The following PIANP variants were observed in gnomAD, a reference collection of about 807,000 sequenced individuals.
PIANP encodes the protein PILR alpha-associated neural protein.
A neutral mutation model predicts 28.9 loss-of-function variants in PIANP; 14 were observed. That is an observed-to-expected ratio of 0.49 (90% CI 0.32 to 0.76). The LOEUF is 0.76. Ranked by LOEUF, PIANP falls within the 30% of genes least tolerant of loss-of-function variation. The pLI is 0.03. For missense variants in PIANP, 322 were observed against 371.8 expected, an observed-to-expected ratio of 0.87 and a Z score of 1.10; for synonymous variants, 149 against 156.6, an observed-to-expected ratio of 0.95 and a Z score of 0.36.
rs1460666153 is a variant in PIANP, at chr12:6,697,242, C to T, written c.523+45G>A. 2 of 1,600,192 alleles carry T rather than the reference C, an allele frequency of 1.2e-6. No individual in the cohort carries two copies. The highest frequency in any genetic ancestry group is 2.7e-5 in the African/African-American group (2 of 73,996). On this transcript the variant is annotated intron_variant, in intron 3 of 4. Transcript: ENST00000534837. The surrounding 1 kb of genome is among the most constrained non-coding windows in gnomAD (Gnocchi z 6.9). ...TATTTCTGCCCCTTGGTGTCTTCAC[C>T]CAGCCTCCCCATCCGTCATATCCCT...
chr12:6,693,282 T>C (rs1264968728), downstream of PIANP, among the ~76,000 whole-genome samples: 4 of 151,904 alleles, frequency 2.6e-5, no homozygotes, highest in Non-Finnish European at 4.4e-5. Flanking sequence ...ACAGGGCTTC[T>C]GATTCTGCAC....
chr12:6,696,353 C>A lies in PIANP; in HGVS notation c.605+90G>T. The A allele has an allele frequency of 9.8e-7, 1 of 1,025,336 alleles. No individual in the cohort carries two copies. Among genetic ancestry groups the A allele is most frequent in the Non-Finnish European group, 1.4e-6 (1 of 730,340 alleles). The allele number at this position is 1,025,336 out of a possible 1,614,324, so 63.5% of individuals were successfully genotyped here. On this transcript the variant is annotated intron_variant, in intron 4 of 4. Transcript: ENST00000534837. The surrounding 1 kb of genome is among the most constrained non-coding windows in gnomAD (Gnocchi z 4.0). ...CCAGCATTTCCCACCCACCCCCCAG[C>A]AAAATTGCTGCCACTGCCCCTCGTG...
chr12:6,692,508 C>A (rs1959724777), downstream of PIANP, among the ~76,000 whole-genome samples: 1 of 152,206 alleles, frequency 6.6e-6, no homozygotes, highest in Non-Finnish European at 1.5e-5. Context: ...GATCTGGATC[C>A]CTCCCTCACG....
At position 6,696,962 on chromosome 12, in the gene PIANP, T is replaced by C. The variant is rs893186267; in HGVS notation, c.523+325A>G. On this transcript the variant is annotated intron_variant, in intron 3 of 4. Transcript: ENST00000534837. The surrounding 1 kb of genome is among the most constrained non-coding windows in gnomAD (Gnocchi z 4.0). ...TGCCCAGAATACTCCCACTCTCTTTTCAAGGGCCAGCTCAAATGTCAGTTC... is the reference window on the plus strand; with the variant it reads ...TGCCCAGAATACTCCCACTCTCTTTCCAAGGGCCAGCTCAAATGTCAGTTC... Among the ~76,000 whole-genome samples the C allele has an allele frequency of 6.6e-6, 1 of 152,178 alleles. No homozygotes were observed. Among genetic ancestry groups the C allele is most frequent in the African/African-American group, 2.4e-5 (1 of 41,446 alleles).
chr12:6,695,666 GA>G lies in PIANP; in HGVS notation c.606-16del. On this transcript the variant is annotated splice_polypyrimidine_tract_variant and intron_variant, in intron 4 of 4. Coordinates refer to ENST00000534837, the MANE Select transcript of PIANP (RefSeq NM_001244014.2). This position sits in a 1 kb window ranked among gnomAD's most constrained non-coding sequence, Gnocchi z 4.2. The stretch of plus-strand genomic sequence containing the variant: ...TGCGGTCCCAGCTGGGGTACCAGAG[GA>G]AAAGAGGTTCTCTTGCACACTCAAG... 2 of 1,485,596 alleles carry G rather than the reference GA, an allele frequency of 1.3e-6. No individual in the cohort carries two copies. The highest frequency in any genetic ancestry group is 1.8e-6 in the Non-Finnish European group (2 of 1,113,854). The allele number at this position is 1,485,596 out of a possible 1,614,324, so 92.0% of individuals were successfully genotyped here.
rs1021148641 is a variant in PIANP at position 6,698,878 on chromosome 12, G to A, written c.-43-774C>T. ...GTGTGTTCTCAGAGCTGAGGGTGGT[G>A]GATCCAGGAGGGGCAGGCTCCCCAG... On this transcript the variant is annotated intron_variant, in intron 1 of 4. Transcript: ENST00000534837. 4.3e-4 allele frequency among the ~76,000 whole-genome samples: 65 copies of A among 152,138 alleles called. 1 individual carries two copies. Among genetic ancestry groups the A allele is most frequent in the Non-Finnish European group, 1.3e-4 (9 of 68,018 alleles).
chr12:6,696,575 AAG>A lies in PIANP; in HGVS notation c.524-53_524-52del. ...AGGGAGCCCCGAGGTGGTAGGAGCC[AAG>A]AGGGGCTGGGGGCTGGGCTGTGGGC... On this transcript the variant is annotated intron_variant, in intron 3 of 4. Coordinates refer to ENST00000534837, the MANE Select transcript of PIANP (RefSeq NM_001244014.2). The surrounding 1 kb of genome is among the most constrained non-coding windows in gnomAD (Gnocchi z 4.0). 1 of 1,379,560 alleles carries A rather than the reference AAG, an allele frequency of 7.2e-7. No individual in the cohort carries two copies. The highest frequency in any genetic ancestry group is 9.9e-7 in the Non-Finnish European group (1 of 1,013,244). The allele number at this position is 1,379,560 out of a possible 1,614,324, so 85.5% of individuals were successfully genotyped here. A position where few individuals can be genotyped will look rare whatever the true frequency, so the allele number is the denominator to read the frequency against.
At chr12:6,698,982 G>A (rs1347175484) in intron 1 of PIANP, among the ~76,000 whole-genome samples, 9 of 152,174 alleles carry the variant, frequency 5.9e-5, no homozygotes, top group African/African-American at 2.2e-4. Context: ...AGTGGCTCAC[G>A]CCTGTAATCC....
rs774966982 is a variant in PIANP, at chr12:6,697,411, T to C, written c.399A>G (p.Ala133=). 4 of 1,614,022 alleles carry C rather than the reference T, an allele frequency of 2.5e-6. No homozygotes were observed. Among genetic ancestry groups the C allele is most frequent in the Non-Finnish European group, 3.4e-6 (4 of 1,179,880 alleles). Residue 133 remains alanine, a synonymous_variant, in exon 3 of 5, where the codon GCA becomes GCG. Coordinates refer to ENST00000534837, the MANE Select transcript of PIANP (RefSeq NM_001244014.2). The surrounding 1 kb of genome is among the most constrained non-coding windows in gnomAD (Gnocchi z 6.9). ...GTGGGGTTGCGAGCCCATGAGGGGC[T>C]GCAAAACCATAGTCCAGAAATCCGG... is the stretch of plus-strand genomic sequence containing the variant. The part of the protein sequence containing the change: ...ANPGFLDYGF[A]APHGLATPHP...
chr12:6,694,913 G>T lies in PIANP; in HGVS notation c.*513C>A. 8.1e-7 allele frequency: 1 copy of T among 1,229,014 alleles called. No individual in the cohort carries two copies. The highest frequency in any genetic ancestry group is 1.7e-5 in the South Asian group (1 of 57,972). 76.1% of individuals were successfully genotyped at this position (1,229,014 alleles called of 1,614,324 possible). A position where few individuals can be genotyped will look rare whatever the true frequency, so the allele number is the denominator to read the frequency against. ...GGCTGGGGAGTGTTCCGGGTGGTGT[G>T]CAAGGGGCAGGAGCCAGGAGCCCCT... On this transcript the variant is annotated 3_prime_UTR_variant, in exon 5 of 5. Transcript: ENST00000534837. The surrounding 1 kb of genome is among the most constrained non-coding windows in gnomAD (Gnocchi z 6.1).
At chr12:6,698,012 G>A (rs1959932215) in intron 2 of PIANP, 33 bp downstream of exon 2, 1 of 1,554,526 alleles carries the variant, frequency 6.4e-7, no homozygotes, top group African/African-American at 1.4e-5. Flanking sequence ...AGGGAATGTG[G>A]TCTCCAGGCT....
chr12:6,698,858 T>G (rs1395438977), intron 1 of PIANP, among the ~76,000 whole-genome samples: 1 of 152,152 alleles, frequency 6.6e-6, no homozygotes, highest in Non-Finnish European at 1.5e-5. Context: ...AAAGGGTGTG[T>G]TCTCAGAGCT....
rs933187246 is a variant in PIANP at position 6,695,201 on chromosome 12, C to A, written c.*225G>T. The A allele has an allele frequency of 4.8e-6, 7 of 1,454,724 alleles. No homozygotes were observed. The highest frequency in any genetic ancestry group is 6.4e-6 in the Non-Finnish European group (7 of 1,096,600). 90.1% of individuals were successfully genotyped at this position (1,454,724 alleles called of 1,614,324 possible). On this transcript the variant is annotated 3_prime_UTR_variant, in exon 5 of 5. Transcript: ENST00000534837. This position sits in a 1 kb window ranked among gnomAD's most constrained non-coding sequence, Gnocchi z 4.2. ...TGGCATGAGAAAAAACCAAAGAGGGCAGAGTTGGAGTTATGGGCAGCAGAG... is the reference window on the plus strand; with the variant it reads ...TGGCATGAGAAAAAACCAAAGAGGGAAGAGTTGGAGTTATGGGCAGCAGAG...
chr12:6,699,037 A>G (rs1959968402), intron 1 of PIANP, among the ~76,000 whole-genome samples: 1 of 152,316 alleles, frequency 6.6e-6, no homozygotes, highest in Admixed American at 6.5e-5. Flanking sequence ...TGAGATCAGG[A>G]GTTCGAGACT....
In PIANP at chr12:6,694,860, G is replaced by A; in HGVS notation, c.*566C>T. On this transcript the variant is annotated 3_prime_UTR_variant, in exon 5 of 5. Transcript: ENST00000534837. The surrounding 1 kb of genome is among the most constrained non-coding windows in gnomAD (Gnocchi z 6.1). ...AGATATGTGAGGCCCCCACCTGCAG[G>A]AGGGCGAGCAGATAGGATTGCCCGT... 1.4e-6 allele frequency: 1 copy of A among 732,152 alleles called. No homozygotes were observed. The highest frequency in any genetic ancestry group is 1.8e-5 in the African/African-American group (1 of 56,228). The allele number at this position is 732,152 out of a possible 1,614,324, so 45.4% of individuals were successfully genotyped here. A position where few individuals can be genotyped will look rare whatever the true frequency, so the allele number is the denominator to read the frequency against.
chr12:6,694,936 CCT>C lies in PIANP; in HGVS notation c.*488_*489del. On this transcript the variant is annotated 3_prime_UTR_variant, in exon 5 of 5. Coordinates refer to ENST00000534837, the MANE Select transcript of PIANP (RefSeq NM_001244014.2). This position sits in a 1 kb window ranked among gnomAD's most constrained non-coding sequence, Gnocchi z 6.1. ...GTGCAAGGGGCAGGAGCCAGGAGCCCCTGTGGCCCCAGCTCCCCACAGCTGCC... is the reference window on the plus strand; with the variant it reads ...GTGCAAGGGGCAGGAGCCAGGAGCCCGTGGCCCCAGCTCCCCACAGCTGCC... 3.6e-6 allele frequency: 5 copies of C among 1,390,852 alleles called. No homozygotes were observed. Among genetic ancestry groups the C allele is most frequent in the South Asian group, 3.0e-5 (2 of 67,286 alleles). The allele number at this position is 1,390,852 out of a possible 1,614,324, so 86.2% of individuals were successfully genotyped here.
chr12:6,692,517 C>T (rs139214577), downstream of PIANP, among the ~76,000 whole-genome samples: 275 of 152,328 alleles, frequency 1.8e-3, 1 homozygote, highest in African/African-American at 6.2e-3. Flanking sequence ...CCCTCCCTCA[C>T]GGCCCACAGT....
At position 6,700,664 on chromosome 12, in the gene PIANP, G is replaced by A. The variant is rs1960028877; in HGVS notation, c.-94C>T. ...CGACTGCGGGCGCTCGGGACTGAGC[G>A]GGGCTGGGGGGTCGCAGGAGCGGGC... On this transcript the variant is annotated 5_prime_UTR_variant, in exon 1 of 5. Coordinates refer to ENST00000534837, the MANE Select transcript of PIANP (RefSeq NM_001244014.2). The surrounding 1 kb of genome is among the most constrained non-coding windows in gnomAD (Gnocchi z 5.5). The A allele has an allele frequency of 6.6e-6, 1 of 151,650 alleles. No homozygotes were observed. The highest frequency in any genetic ancestry group is 2.4e-5 in the African/African-American group (1 of 41,098). 9.4% of individuals were successfully genotyped at this position (151,650 alleles called of 1,614,324 possible).
Position 6,697,576 on chromosome 12 carries a change from C to T in PIANP, c.234G>A (p.Arg78=). ...GGGGTGCAGTGCCAGGCAGGACTTGCCGACGTGATCTTGGGACCCGAGGAG... is the reference window on the plus strand; with the variant it reads ...GGGGTGCAGTGCCAGGCAGGACTTGTCGACGTGATCTTGGGACCCGAGGAG... ...SRSPRVPRSR[R]QVLPGTAPPA... The change falls in exon 3 of 5, where the codon CGG becomes CGA. Residue 78 remains arginine (R), a synonymous_variant. Transcript: ENST00000534837. This position sits in a 1 kb window ranked among gnomAD's most constrained non-coding sequence, Gnocchi z 6.9. 1.3e-6 allele frequency: 2 copies of T among 1,593,576 alleles called. No homozygotes were observed. The highest frequency in any genetic ancestry group is 1.7e-6 in the Non-Finnish European group (2 of 1,170,020).
Sources: gnomAD v4.1 joint callset for allele counts (sites outside exome capture counted in the v4.1 genomes callset) on GRCh38, gnomAD v4.1.1 for gene constraint, Gnocchi (gnomAD v3.1) non-coding constraint, MANE v1.5 for transcripts, NCBI Gene and HGNC (gene_info 2026-07-23, HGNC 2026-07-21) for gene names.